Variants in SGPP1 observed in about 807,000 individuals in gnomAD.
The protein encoded by SGPP1 is hSPP1.
A neutral mutation model predicts 33.0 loss-of-function variants in SGPP1; 21 were observed. The ratio of observed to expected loss-of-function variants is 0.64; its 90% CI spans 0.45 to 0.92. The LOEUF is 0.92. SGPP1 is among the 40% of genes least tolerant of loss of function. The pLI, the probability that SGPP1 is intolerant of heterozygous loss-of-function variation, is 0.00. For synonymous variants in SGPP1, 239 were observed against 241.2 expected (o/e 0.99, Z 0.08); for missense variants, 543 against 589.4 (o/e 0.92, Z 0.81).
intron 2 of SGPP1, among the ~76,000 whole-genome samples, chr14:63,687,939 G>A (rs1333552208): frequency 6.6e-6 from 1 of 152,062 alleles, no homozygotes; most frequent in African/African-American, 2.4e-5. Context: ...TGGCCAACAT[G>A]GTGAAACCCT....
chr14:63,694,351 A>T (rs888964089), intron 2 of SGPP1, among the ~76,000 whole-genome samples: 1 of 152,176 alleles, frequency 6.6e-6, no homozygotes, highest in Non-Finnish European at 1.5e-5. Flanking sequence ...TTTAACATTA[A>T]GAATTCTTTA....
At chr14:63,723,259 G>A (rs1885813047) in intron 1 of SGPP1, among the ~76,000 whole-genome samples, 1 of 151,954 alleles carries the variant, frequency 6.6e-6, no homozygotes, top group Non-Finnish European at 1.5e-5. Flanking sequence ...TGAATAATAT[G>A]AGAGCAATAA....
Position 63,714,918 on chromosome 14 carries a change from G to A in SGPP1, c.684+12343C>T, listed in dbSNP as rs534007687. ...AACTTTCTATATTTTTTATAGTGAT[G>A]GAATTTCACCATGGTGCCCAGGCTG... On this transcript the variant is annotated intron_variant, in intron 1 of 2. Transcript: ENST00000247225. Among the ~76,000 whole-genome samples, 7 of 148,880 alleles carry A rather than the reference G, an allele frequency of 4.7e-5. No homozygotes were observed. The South Asian group carries it at 1.5e-3, about 32-fold the overall frequency.
At chr14:63,715,487 CCTTTT>C (rs887707094) in intron 1 of SGPP1, among the ~76,000 whole-genome samples, 1 of 152,094 alleles carries the variant, frequency 6.6e-6, no homozygotes, top group African/African-American at 2.4e-5. Flanking sequence ...AATAAAACCC[CCTTTT>C]TTTTGAGCCG....
At position 63,719,001 on chromosome 14, in the gene SGPP1, T is replaced by TAC. The variant is rs1885701982; in HGVS notation, c.684+8259_684+8260insGT. 2.3e-4 allele frequency among the ~76,000 whole-genome samples: 6 copies of TAC among 25,996 alleles called. No individual in the cohort carries two copies. In the South Asian group the frequency reaches 4.4e-3, roughly 19 times the overall value. The allele number at this position is 25,996 out of a possible 152,430, so 17.1% of individuals were successfully genotyped here. A position where few individuals can be genotyped will look rare whatever the true frequency, so the allele number is the denominator to read the frequency against. ...ACATATATATATATATATATATATATATATATATATATATTTTTTTTTTTT... is the reference window on the plus strand; with the variant it reads ...ACATATATATATATATATATATATATACATATATATATATATTTTTTTTTTTT... On this transcript the variant is annotated intron_variant, in intron 1 of 2. Transcript: ENST00000247225.
chr14:63,719,030 T>A (rs1885713811), intron 1 of SGPP1, among the ~76,000 whole-genome samples: 3 of 100,664 alleles, frequency 3.0e-5, no homozygotes, highest in East Asian at 6.1e-4. Context: ...TTTTTTTTTT[T>A]TTTTTTTTTT....
Position 63,727,550 on chromosome 14 carries a change from A to AC in SGPP1, c.394_395insG (p.Phe132CysfsTer70). On this transcript the variant is annotated frameshift_variant, in exon 1 of 3. Coordinates refer to ENST00000247225, the MANE Select transcript of SGPP1 (RefSeq NM_030791.4). LOFTEE classifies it high-confidence loss of function. ...GTTGCCCAGCTCCGTGCCGAAGCAGAACAGGCAGTAGAGCGGCCAGTTGCT... is the reference window on the plus strand; with the variant it reads ...GTTGCCCAGCTCCGTGCCGAAGCAGACACAGGCAGTAGAGCGGCCAGTTGCT... 1 of 1,613,282 alleles carries AC rather than the reference A, an allele frequency of 6.2e-7. No individual in the cohort carries two copies. The highest frequency in any genetic ancestry group is 8.5e-7 in the Non-Finnish European group (1 of 1,179,900).
intron 2 of SGPP1, among the ~76,000 whole-genome samples, chr14:63,688,065 G>GA: frequency 6.6e-6 from 1 of 151,930 alleles, no homozygotes; most frequent in African/African-American, 2.4e-5. Flanking sequence ...GCAGAGTTTG[G>GA]GGTGAGTCAA....
intron 1 of SGPP1, among the ~76,000 whole-genome samples, chr14:63,707,521 T>C (rs116381861): frequency 0.012 from 1,808 of 151,730 alleles, 34 homozygotes; most frequent in African/African-American, 0.042. Flanking sequence ...TTAGTACTTC[T>C]TCATTATCTA....
chr14:63,708,672 G>A (rs1004628573), intron 1 of SGPP1, among the ~76,000 whole-genome samples: 2 of 152,148 alleles, frequency 1.3e-5, no homozygotes, highest in South Asian at 4.1e-4. Context: ...TTACTGAGAG[G>A]TTAGTAATTT....
At chr14:63,715,283 G>A (rs1595070697) in intron 1 of SGPP1, among the ~76,000 whole-genome samples, 1 of 152,036 alleles carries the variant, frequency 6.6e-6, no homozygotes, top group Non-Finnish European at 1.5e-5. Flanking sequence ...CCAAAGTGCT[G>A]GGATTACAGG....
intron 1 of SGPP1, among the ~76,000 whole-genome samples, chr14:63,703,489 C>T (rs1395214288): frequency 1.3e-5 from 2 of 151,752 alleles, no homozygotes; most frequent in African/African-American, 4.8e-5. Flanking sequence ...CCTGTCTCCA[C>T]TAAAAATACA....
At chr14:63,690,404 G>A (rs1254747999) in intron 2 of SGPP1, among the ~76,000 whole-genome samples, 1 of 152,198 alleles carries the variant, frequency 6.6e-6, no homozygotes, top group Non-Finnish European at 1.5e-5. Flanking sequence ...CGCAGTTGCA[G>A]TGCTTGAAGC....
At chr14:63,720,477 G>C (rs755938814) in intron 1 of SGPP1, among the ~76,000 whole-genome samples, 11 of 150,662 alleles carry the variant, frequency 7.3e-5, no homozygotes, top group Non-Finnish European at 1.5e-4. Context: ...AAACTATATA[G>C]GCCGGGTGCG....
chr14:63,699,335 G>T (rs887584472), intron 1 of SGPP1, among the ~76,000 whole-genome samples: 4 of 152,190 alleles, frequency 2.6e-5, no homozygotes, highest in African/African-American at 9.7e-5. Context: ...AATGTCCTGA[G>T]ATTGGAGGGA....
chr14:63,689,443 G>A (rs550394868), intron 2 of SGPP1, among the ~76,000 whole-genome samples: 6 of 152,060 alleles, frequency 3.9e-5, no homozygotes, highest in Admixed American at 3.9e-4. Context: ...TCAGCCACCG[G>A]GCCTGGCCAT....
intron 2 of SGPP1, among the ~76,000 whole-genome samples, chr14:63,696,900 T>C (rs765565294): frequency 2.2e-4 from 34 of 152,034 alleles, no homozygotes; most frequent in Non-Finnish European, 4.1e-4. Flanking sequence ...GCACAAGAAT[T>C]GCTTGAACCT....
rs1163496718 is a variant in SGPP1, at chr14:63,719,014, A to ATT, written c.684+8245_684+8246dup. ...TATATATATATATATATATATATAT[A>ATT]TTTTTTTTTTTTTTTTTTTTTTTTT... On this transcript the variant is annotated intron_variant, in intron 1 of 2. Transcript: ENST00000247225. 1.6e-3 allele frequency among the ~76,000 whole-genome samples: 31 copies of ATT among 19,432 alleles called. 4 individuals carry two copies. The highest frequency in any genetic ancestry group is 2.6e-3 in the African/African-American group (11 of 4,266). The allele number at this position is 19,432 out of a possible 152,430, so 12.7% of individuals were successfully genotyped here. A position where few individuals can be genotyped will look rare whatever the true frequency, so the allele number is the denominator to read the frequency against.
At chr14:63,700,586 T>C (rs200954959) in intron 1 of SGPP1, among the ~76,000 whole-genome samples, 1 of 152,138 alleles carries the variant, frequency 6.6e-6, no homozygotes, top group East Asian at 1.9e-4. Context: ...CATTAAACAG[T>C]AAACACAAAA....
Sources: gnomAD v4.1 joint callset for allele counts (sites outside exome capture counted in the v4.1 genomes callset) on GRCh38, gnomAD v4.1.1 for gene constraint, MANE v1.5 for transcripts, NCBI Gene and HGNC (gene_info 2026-07-23, HGNC 2026-07-21) for gene names.